The following GNAS variants were observed in gnomAD, a reference collection of about 807,000 sequenced individuals.
GNAS encodes the protein protein ALEX.
A neutral mutation model predicts 54.5 loss-of-function variants in GNAS; 8 were observed. The observed-to-expected ratio is 0.15, with a 90% confidence interval of 0.09 to 0.26. GNAS has a LOEUF of 0.26. Among genes scored for constraint, GNAS ranks in the 10% least tolerant of loss-of-function variants. The pLI is 1.00. For synonymous variants in GNAS, 204 were observed against 191.4 expected (o/e 1.07, Z -0.54); for missense variants, 170 against 529.8 (o/e 0.32, Z 6.67).
At position 58,909,960 on chromosome 20, in the gene GNAS, C is replaced by T. The variant is rs772823560; in HGVS notation, c.849C>T (p.Arg283=). ...FKSIWNNRWL[R]TISVILFLNK... The stretch of plus-strand genomic sequence containing the variant: ...GCCTCCCTTCTTGTAGATGGCTGCG[C>T]ACCATCTCTGTGATCCTGTTCCTCA... Residue 283 remains arginine, a synonymous_variant, in exon 11 of 13, where the codon CGC becomes CGT. Coordinates refer to ENST00000371085, the MANE Select transcript of GNAS (RefSeq NM_000516.7). The surrounding 1 kb of genome is among the most constrained non-coding windows in gnomAD (Gnocchi z 7.3). The T allele has an allele frequency of 6.2e-7, 1 of 1,613,440 alleles. No homozygotes were observed. Among genetic ancestry groups the T allele is most frequent in the Admixed American group, 1.7e-5 (1 of 60,020 alleles).
rs2085744054 is a variant in GNAS, at chr20:58,841,872, A to G, written c.43+986A>G. 3 of 1,231,180 alleles carry G rather than the reference A, an allele frequency of 2.4e-6. No homozygotes were observed. The Admixed American group carries it at 1.3e-4, about 52-fold the overall frequency. 76.3% of individuals were successfully genotyped at this position (1,231,180 alleles called of 1,614,324 possible). ...AGGCCCTCGAGATCGTCGCAAGTGG[A>G]AAGGTAAAGCGGAACAAGGGACAGG... On this transcript the variant is annotated intron_variant, in intron 1 of 12. Coordinates refer to the GNAS transcript ENST00000306090. This position sits in a 1 kb window ranked among gnomAD's most constrained non-coding sequence, Gnocchi z 5.0.
chr20:58,886,833 C>G (rs1053091921), upstream of GNAS, among the ~76,000 whole-genome samples: 1 of 152,188 alleles, frequency 6.6e-6, no homozygotes, highest in African/African-American at 2.4e-5. Context: ...ACCCATGATT[C>G]CACCTGCTGT....
chr20:58,841,316 G>T lies in GNAS; in HGVS notation c.43+430G>T, dbSNP rs2085714668. ...GGTGTCCAAAATGTGGTTCGGAGGT[G>T]CGCGCGCCAACTTTCACGATGTGAG... On this transcript the variant is annotated intron_variant, in intron 1 of 12. Coordinates refer to the GNAS transcript ENST00000306090. This position sits in a 1 kb window ranked among gnomAD's most constrained non-coding sequence, Gnocchi z 5.0. 5 of 1,054,814 alleles carry T rather than the reference G, an allele frequency of 4.7e-6. No homozygotes were observed. The highest frequency in any genetic ancestry group is 1.7e-5 in the African/African-American group (1 of 59,142). The allele number at this position is 1,054,814 out of a possible 1,614,324, so 65.3% of individuals were successfully genotyped here. A position where few individuals can be genotyped will look rare whatever the true frequency, so the allele number is the denominator to read the frequency against.
intron 1 of GNAS, among the ~76,000 whole-genome samples, chr20:58,858,797 T>G (rs1011825418): frequency 7.9e-5 from 12 of 152,282 alleles, no homozygotes; most frequent in African/African-American, 2.6e-4. Context: ...TCTCTCTCTC[T>G]CTCTCTCTTT....
intron 6 of GNAS, among the ~76,000 whole-genome samples, chr20:58,905,764 GTAAT>G (rs2091002521): frequency 6.6e-6 from 1 of 152,194 alleles, no homozygotes; most frequent in Non-Finnish European, 1.5e-5. Context: ...TTAGTAGGAA[GTAAT>G]TAATTGAATT....
At position 58,840,850 on chromosome 20, in the gene GNAS, G is replaced by A; in HGVS notation, c.7G>A (p.Asp3Asn). 6.2e-7 allele frequency: 1 copy of A among 1,612,882 alleles called. No homozygotes were observed. The highest frequency in any genetic ancestry group is 1.7e-5 in the Admixed American group (1 of 60,026). Reference sequence around the variant, plus strand: ...TCCCCATCCGGCGTCACTAATGGAGGACGCCGTCCAGATTCTCCTTGTTTT... The same window carrying A: ...TCCCCATCCGGCGTCACTAATGGAGAACGCCGTCCAGATTCTCCTTGTTTT... Residue 3 changes from aspartate to asparagine, a missense_variant, in exon 1 of 13, where the codon GAC (aspartate) becomes AAC (asparagine). Transcript: ENST00000306090. This position sits in a 1 kb window ranked among gnomAD's most constrained non-coding sequence, Gnocchi z 6.0.
At chr20:58,854,633 G>A (rs770715580) in intron 1 of GNAS, 8 of 1,534,376 alleles carry the variant, frequency 5.2e-6, no homozygotes, top group Non-Finnish European at 7.0e-6. Context: ...CCGACTCCGG[G>A]GCGGCCCCTG....
chr20:58,889,233 C>CGGCGT, upstream of GNAS: 1 of 1,188,510 alleles, frequency 8.4e-7, no homozygotes, highest in Non-Finnish European at 1.1e-6. Context: ...CGGCGCGGCG[C>CGGCGT]TCCCCTGCTC....
intron 1 of GNAS, 153 bp downstream of exon 1, chr20:58,892,018 G>A: frequency 1.2e-6 from 1 of 806,710 alleles, no homozygotes; most frequent in South Asian, 5.6e-5. Context: ...GAGGCCGGAA[G>A]GGGGACCCAG....
chr20:58,892,973 G>A (rs1007005406), intron 1 of GNAS, among the ~76,000 whole-genome samples: 13 of 147,092 alleles, frequency 8.8e-5, no homozygotes, highest in Admixed American at 1.4e-4. Context: ...AGTGCTTTGT[G>A]AAAAGAAAAA....
intron 1 of GNAS, 191 bp downstream of exon 1, chr20:58,892,056 CA>C: frequency 1.1e-6 from 1 of 897,364 alleles, no homozygotes; most frequent in Non-Finnish European, 1.3e-6. Flanking sequence ...GGCGGGGGCT[CA>C]AAAACGGGGC....
At chr20:58,881,480 T>G (rs1295190380) in intron 1 of GNAS, among the ~76,000 whole-genome samples, 4 of 152,184 alleles carry the variant, frequency 2.6e-5, no homozygotes, top group African/African-American at 9.7e-5. Flanking sequence ...CCTAGCCTTC[T>G]TCCTTCCCTC....
chr20:58,852,357 C>T (rs1050524921), intron 1 of GNAS, among the ~76,000 whole-genome samples: 1 of 152,276 alleles, frequency 6.6e-6, no homozygotes, highest in Non-Finnish European at 1.5e-5. Context: ...AAACAAATTG[C>T]GTGCTTGCAT....
At chr20:58,872,064 A>C (rs1032331277) in intron 1 of GNAS, among the ~76,000 whole-genome samples, 1 of 152,162 alleles carries the variant, frequency 6.6e-6, no homozygotes, top group East Asian at 1.9e-4. Context: ...TGTTCGTTCA[A>C]GTGCCAACCA....
At chr20:58,890,180 G>A (rs1267030331), upstream of GNAS, among the ~76,000 whole-genome samples, 4 of 151,604 alleles carry the variant, frequency 2.6e-5, no homozygotes, top group Non-Finnish European at 4.4e-5. Context: ...AGGAGAGGAA[G>A]AAGATGGAGA....
At chr20:58,847,387 C>T (rs576298022) in intron 1 of GNAS, among the ~76,000 whole-genome samples, 6 of 152,336 alleles carry the variant, frequency 3.9e-5, no homozygotes, top group Non-Finnish European at 7.3e-5. Flanking sequence ...CTGCCTCCAC[C>T]GGCCAAGGCG....
rs958072274 is a variant in GNAS, at chr20:58,910,178, A to G, written c.970+97A>G. The G allele has an allele frequency of 1.2e-5, 17 of 1,378,370 alleles. No individual in the cohort carries two copies. Among genetic ancestry groups the G allele is most frequent in the Admixed American group, 1.0e-4 (6 of 59,712 alleles). The allele number at this position is 1,378,370 out of a possible 1,614,324, so 85.4% of individuals were successfully genotyped here. A position where few individuals can be genotyped will look rare whatever the true frequency, so the allele number is the denominator to read the frequency against. On this transcript the variant is annotated intron_variant, in intron 11 of 12. Coordinates refer to ENST00000371085, the MANE Select transcript of GNAS (RefSeq NM_000516.7). This position sits in a 1 kb window ranked among gnomAD's most constrained non-coding sequence, Gnocchi z 5.8. ...CCCATCCCCCTCCCACCACCAAACCATAAAGGATCTATAAGAGAAGCAAGA... is the reference window on the plus strand; with the variant it reads ...CCCATCCCCCTCCCACCACCAAACCGTAAAGGATCTATAAGAGAAGCAAGA...
upstream of GNAS, chr20:58,888,993 C>A: frequency 1.1e-6 from 1 of 899,240 alleles, no homozygotes; most frequent in Non-Finnish European, 1.3e-6. Context: ...CGGCCCACGC[C>A]CGCGCGGTCC....
chr20:58,862,116 A>T (rs1054836143), intron 1 of GNAS, among the ~76,000 whole-genome samples: 1 of 152,112 alleles, frequency 6.6e-6, no homozygotes, highest in African/African-American at 2.4e-5. Flanking sequence ...CTTGGCACAT[A>T]TAAGTACCCC....
Sources: allele counts gnomAD v4.1 joint callset (sites outside exome capture counted in the v4.1 genomes callset), GRCh38; gene constraint gnomAD v4.1.1; non-coding constraint Gnocchi (gnomAD v3.1); transcripts MANE v1.5; gene names NCBI Gene and HGNC (gene_info 2026-07-23, HGNC 2026-07-21).